The following ROR2 variants were observed in gnomAD, a reference collection of about 807,000 sequenced individuals.
ROR2 encodes the protein ROR family WNT receptor 2.
A neutral mutation model predicts 74.9 loss-of-function variants in ROR2; 33 were observed. That is an observed-to-expected ratio of 0.44 (90% confidence interval 0.33 to 0.59). The LOEUF is 0.59. Ranked by LOEUF, ROR2 falls within the 20% of genes least tolerant of loss-of-function variation. The pLI, the probability that ROR2 is intolerant of heterozygous loss-of-function variation, is 0.02. For missense variants in ROR2, 1,216 were observed against 1,313.8 expected (o/e 0.93, Z 1.15); for synonymous variants, 586 against 558.7 (o/e 1.05, Z -0.69).
At chr9:91,834,368 A>C (rs1828554778) in intron 1 of ROR2, among the ~76,000 whole-genome samples, 1 of 152,170 alleles carries the variant, frequency 6.6e-6, no homozygotes, top group African/African-American at 2.4e-5. Context: ...TGCTAACTCA[A>C]CACCAGCCCT....
rs1163665283 is a variant in ROR2 at position 91,772,301 on chromosome 9, C to T, written c.175+3440G>A. 5.3e-5 allele frequency among the ~76,000 whole-genome samples: 8 copies of T among 152,228 alleles called. No homozygotes were observed. The South Asian group carries it at 8.3e-4, about 16-fold the overall frequency. On this transcript the variant is annotated intron_variant, in intron 2 of 8. Coordinates refer to ENST00000375708, the MANE Select transcript of ROR2 (RefSeq NM_004560.4). ...AGTGCTGATGATCCACCAATCATCA[C>T]GATGGTGATGCTAACAAATGGCGCC...
At chr9:91,907,574 A>G (rs148744858) in intron 1 of ROR2, among the ~76,000 whole-genome samples, 26 of 152,280 alleles carry the variant, frequency 1.7e-4, no homozygotes, top group African/African-American at 6.3e-4. Flanking sequence ...CAATTAAGTC[A>G]TCTTTCTGAG....
chr9:91,906,993 A>ACC (rs1469690767), intron 1 of ROR2, among the ~76,000 whole-genome samples: 1 of 151,558 alleles, frequency 6.6e-6, no homozygotes, highest in Non-Finnish European at 1.5e-5. Flanking sequence ...ACCACTCTCC[A>ACC]CCCCCAGCAC....
Position 91,818,587 on chromosome 9 carries a change from G to A in ROR2, c.98-42769C>T, listed in dbSNP as rs116752648. On this transcript the variant is annotated intron_variant, in intron 1 of 8. Transcript: ENST00000375708. ...TGAACCATTCCTAACAGAGCCTTCT[G>A]AGGTGGCCGAGAGGAAGCATATGCC... Among the ~76,000 whole-genome samples, 1,443 of 152,220 alleles carry A rather than the reference G, an allele frequency of 9.5e-3. 26 individuals carry two copies. The highest frequency in any genetic ancestry group is 0.034 in the African/African-American group (1,391 of 41,514).
chr9:91,850,456 C>T (rs1419927676), intron 1 of ROR2, among the ~76,000 whole-genome samples: 2 of 152,132 alleles, frequency 1.3e-5, no homozygotes, highest in African/African-American at 2.4e-5. Context: ...AAAGGTCCTT[C>T]AGGACCACAA....
At chr9:91,936,595 T>C (rs1831696264) in intron 1 of ROR2, among the ~76,000 whole-genome samples, 1 of 152,200 alleles carries the variant, frequency 6.6e-6, no homozygotes, top group South Asian at 2.1e-4. Flanking sequence ...TTTGAGCAAT[T>C]CAACCAATAA....
chr9:91,737,161 AGCAACCCACACTT>A (rs1226929805), intron 5 of ROR2, among the ~76,000 whole-genome samples: 4 of 152,234 alleles, frequency 2.6e-5, no homozygotes, highest in African/African-American at 9.6e-5. Flanking sequence ...GTATATTCCA[AGCAACCCACACTT>A]GCTAATTTAA....
At chr9:91,740,026 T>C (rs1825164631) in intron 4 of ROR2, among the ~76,000 whole-genome samples, 1 of 152,204 alleles carries the variant, frequency 6.6e-6, no homozygotes, top group Admixed American at 6.5e-5. Flanking sequence ...ATCAGTCCCT[T>C]GGGATGCCCC....
chr9:91,911,473 T>C (rs80338335), intron 1 of ROR2, among the ~76,000 whole-genome samples: 5,921 of 152,248 alleles, frequency 0.039, 388 homozygotes, highest in African/African-American at 0.14. Flanking sequence ...GAGACCACCA[T>C]TGTATATGTG....
At chr9:91,920,406 T>C (rs1831233144) in intron 1 of ROR2, among the ~76,000 whole-genome samples, 2 of 152,174 alleles carry the variant, frequency 1.3e-5, no homozygotes, top group Non-Finnish European at 2.9e-5. Flanking sequence ...CTCGGGAGGC[T>C]GAGGTGAGAA....
At chr9:91,728,674 G>A (rs756567349) in intron 7 of ROR2, among the ~76,000 whole-genome samples, 7 of 152,014 alleles carry the variant, frequency 4.6e-5, no homozygotes, top group Non-Finnish European at 7.4e-5. Flanking sequence ...CAGGTGATCC[G>A]CCTGCCTTGG....
intron 1 of ROR2, among the ~76,000 whole-genome samples, chr9:91,812,668 A>T (rs570714178): frequency 6.6e-6 from 1 of 152,010 alleles, no homozygotes; most frequent in Non-Finnish European, 1.5e-5. Context: ...ATTGGTGGAG[A>T]GAAACCCAGT....
At chr9:91,765,747 A>G (rs73651508) in intron 2 of ROR2, among the ~76,000 whole-genome samples, 1 of 152,138 alleles carries the variant, frequency 6.6e-6, no homozygotes, top group Non-Finnish European at 1.5e-5. Flanking sequence ...GCTTGTCAAC[A>G]AAGCTTTGGT....
intron 1 of ROR2, among the ~76,000 whole-genome samples, chr9:91,948,276 G>C (rs1832066393): frequency 1.3e-5 from 2 of 152,276 alleles, no homozygotes; most frequent in South Asian, 4.1e-4. Context: ...TTAACCGCAG[G>C]GTGAACAGCA....
chr9:91,751,537 A>G (rs1825595513), intron 4 of ROR2, among the ~76,000 whole-genome samples: 1 of 152,174 alleles, frequency 6.6e-6, no homozygotes, highest in African/African-American at 2.4e-5. Flanking sequence ...GAAACCAAAA[A>G]ACCCCACAAA....
rs1210171404 is a variant in ROR2 at position 91,791,175 on chromosome 9, G to GT, written c.98-15358dup. ...TCCAGTCCTGCAAGCTCCATTCGTG[G>GT]TAAGTGCCCTATGCAGATGGTGCAT... On this transcript the variant is annotated intron_variant, in intron 1 of 8. Transcript: ENST00000375708. Among the ~76,000 whole-genome samples, 4 of 152,260 alleles carry GT rather than the reference G, an allele frequency of 2.6e-5. No individual in the cohort carries two copies. The East Asian group carries it at 5.8e-4, about 22-fold the overall frequency.
Position 91,725,761 on chromosome 9 carries a change from C to T in ROR2, c.1387-654G>A, listed in dbSNP as rs531160246. On this transcript the variant is annotated intron_variant, in intron 8 of 8. Coordinates refer to ENST00000375708, the MANE Select transcript of ROR2 (RefSeq NM_004560.4). Reference sequence around the variant, plus strand: ...TCTCTCTCGGCCTCTATGACACCAGCTCCTCCCGTGTGGCCAGCCCTCATC... The same window carrying T: ...TCTCTCTCGGCCTCTATGACACCAGTTCCTCCCGTGTGGCCAGCCCTCATC... Among the ~76,000 whole-genome samples the T allele has an allele frequency of 3.4e-3, 519 of 152,246 alleles. 3 individuals are homozygous for T. The highest frequency in any genetic ancestry group is 0.031 in the Middle Eastern group (9 of 294).
intron 2 of ROR2, among the ~76,000 whole-genome samples, chr9:91,762,000 A>G (rs962354240): frequency 1.3e-5 from 2 of 152,186 alleles, no homozygotes; most frequent in African/African-American, 4.8e-5. Context: ...CACCGGATTA[A>G]AGCCTTCTTT....
chr9:91,755,096 A>G (rs536476547), intron 4 of ROR2, among the ~76,000 whole-genome samples: 1 of 152,322 alleles, frequency 6.6e-6, no homozygotes, highest in South Asian at 2.1e-4. Context: ...ACAAGACTAC[A>G]GTAAGCTGTG....
Sources: allele counts gnomAD v4.1 joint callset (sites outside exome capture counted in the v4.1 genomes callset), GRCh38; gene constraint gnomAD v4.1.1; transcripts MANE v1.5; gene names NCBI Gene and HGNC (gene_info 2026-07-23, HGNC 2026-07-21).